Variants in CCDC3 observed in about 807,000 individuals in gnomAD.
The protein encoded by CCDC3 is coiled-coil domain containing 3.
In CCDC3, 24 loss-of-function variants were observed where a neutral mutation model predicts 21.4. The ratio of observed to expected loss-of-function variants is 1.12; its 90% CI spans 0.81 to 1.58. The LOEUF (loss-of-function observed/expected upper bound fraction) is 1.58. Among genes scored for constraint, CCDC3 ranks in the 40% most tolerant of loss-of-function variants. The probability of loss-of-function intolerance (pLI) is 0.00; values close to 1 mark genes in which losing one functional copy is unlikely to be tolerated. For synonymous variants in CCDC3, 186 were observed against 166.0 expected (o/e 1.12, Z -0.93); for missense variants, 425 against 360.9 (o/e 1.18, Z -1.44).
At position 13,000,140 on chromosome 10, in the gene CCDC3, T is replaced by C. The variant is rs546436633; in HGVS notation, c.374+1057A>G. Among the ~76,000 whole-genome samples, 11 of 152,326 alleles carry C rather than the reference T, an allele frequency of 7.2e-5. No individual in the cohort carries two copies. In the South Asian group the frequency reaches 2.1e-3, roughly 29 times the overall value. On this transcript the variant is annotated intron_variant, in intron 1 of 2. Transcript: ENST00000378825. The stretch of plus-strand genomic sequence containing the variant: ...ACCCACGTCAGCCTCATTCCAAATA[T>C]CCTCAGTGCTACTTCCCAGACTGGG...
intron 2 of CCDC3, among the ~76,000 whole-genome samples, chr10:12,931,550 G>T (rs7918971): frequency 0.011 from 1,676 of 152,326 alleles, 12 homozygotes; most frequent in Middle Eastern, 0.058. Flanking sequence ...TGTTGTAGAA[G>T]CATTTGGTTT....
chr10:13,001,375 A>G lies in CCDC3; in HGVS notation c.196T>C (p.Tyr66His), dbSNP rs766577577. 6.3e-7 allele frequency: 1 copy of G among 1,591,672 alleles called. No individual in the cohort carries two copies. Among genetic ancestry groups the G allele is most frequent in the South Asian group, 1.1e-5 (1 of 87,062 alleles). ...PGLYNHLPWQ[Y>H]HAGQGGLFYS... is the part of the protein sequence containing the mutation. The stretch of plus-strand genomic sequence containing the variant: ...AAGAGGCCCCCCTGGCCGGCGTGGT[A>G]CTGCCAGGGCAGGTGGTTGTAGAGG... Residue 66 changes from tyrosine to histidine, a missense_variant, in exon 1 of 3, where the codon TAC becomes CAC. By Grantham distance (83) the Tyr-to-His change is moderately conservative. Coordinates refer to ENST00000378825, the MANE Select transcript of CCDC3 (RefSeq NM_031455.4).
chr10:12,932,856 T>C (rs748048368), intron 2 of CCDC3, among the ~76,000 whole-genome samples: 4 of 152,240 alleles, frequency 2.6e-5, no homozygotes, highest in African/African-American at 7.2e-5. Context: ...AGTTTGCTGA[T>C]AGTTTTCTCA....
chr10:13,052,554 T>C (rs958450796), intron 4 of CCDC3, among the ~76,000 whole-genome samples: 2 of 152,218 alleles, frequency 1.3e-5, no homozygotes, highest in African/African-American at 4.8e-5. Flanking sequence ...AGATCTGCTG[T>C]ACAATGCTGC....
intron 2 of CCDC3, among the ~76,000 whole-genome samples, chr10:12,901,744 C>G (rs1834095763): frequency 6.6e-6 from 1 of 152,248 alleles, no homozygotes; most frequent in African/African-American, 2.4e-5. Flanking sequence ...AGGATAGAGT[C>G]AAATCTCCTA....
chr10:12,903,884 A>G (rs1834129869), intron 2 of CCDC3, among the ~76,000 whole-genome samples: 1 of 152,258 alleles, frequency 6.6e-6, no homozygotes, highest in African/African-American at 2.4e-5. Flanking sequence ...GGGACCAACA[A>G]AAGGAAAATC....
chr10:13,063,767 C>G (rs982444765), intron 4 of CCDC3, among the ~76,000 whole-genome samples: 13 of 152,144 alleles, frequency 8.5e-5, no homozygotes, highest in South Asian at 8.3e-4. Flanking sequence ...GGCTGGGAAG[C>G]CTTCCTTGTT....
At chr10:13,043,772 T>C (rs912008626) in intron 5 of CCDC3, among the ~76,000 whole-genome samples, 3 of 152,216 alleles carry the variant, frequency 2.0e-5, no homozygotes, top group Admixed American at 2.0e-4. Context: ...GTACTTAGGT[T>C]GATTCCATGT....
intron 2 of CCDC3, among the ~76,000 whole-genome samples, chr10:12,986,391 G>A (rs1334514002): frequency 1.3e-5 from 2 of 152,166 alleles, no homozygotes; most frequent in Admixed American, 6.5e-5. Flanking sequence ...GGGACAAGGG[G>A]TGAGGGGTGC....
rs1284158673 is a variant in CCDC3 at position 12,937,548 on chromosome 10, G to A, written c.550-38869C>T. Among the ~76,000 whole-genome samples the A allele has an allele frequency of 4.6e-5, 7 of 152,064 alleles. No individual in the cohort carries two copies. The Middle Eastern group carries it at 0.014, about 296-fold the overall frequency. On this transcript the variant is annotated intron_variant, in intron 2 of 2. Coordinates refer to ENST00000378825, the MANE Select transcript of CCDC3 (RefSeq NM_031455.4). ...CGTGATCATAGCTCACTGCAGCCTC[G>A]ACCTCCTGGGCTCAATTGATCCTCC...
At chr10:12,929,953 A>G (rs1415262066) in intron 2 of CCDC3, among the ~76,000 whole-genome samples, 1 of 152,240 alleles carries the variant, frequency 6.6e-6, no homozygotes, top group Non-Finnish European at 1.5e-5. Flanking sequence ...AGCTAGAACT[A>G]GAAAAAAATT....
intron 5 of CCDC3, among the ~76,000 whole-genome samples, chr10:13,023,307 T>C (rs1385504431): frequency 1.3e-5 from 2 of 152,074 alleles, no homozygotes; most frequent in Non-Finnish European, 2.9e-5. Flanking sequence ...AGGTAGTTTT[T>C]TCTGTTTCAC....
At chr10:13,078,265 A>T (rs892837881) in intron 3 of CCDC3, among the ~76,000 whole-genome samples, 21 of 152,230 alleles carry the variant, frequency 1.4e-4, no homozygotes, top group Non-Finnish European at 2.1e-4. Context: ...AAAAATGCTC[A>T]TCATCACTGG....
At chr10:13,019,367 T>C (rs1836115129) in intron 5 of CCDC3, among the ~76,000 whole-genome samples, 1 of 152,208 alleles carries the variant, frequency 6.6e-6, no homozygotes, top group South Asian at 2.1e-4. Flanking sequence ...ATTTCAGCCC[T>C]TTTTTAGCAT....
intron 2 of CCDC3, among the ~76,000 whole-genome samples, chr10:12,913,173 C>T (rs140545952): frequency 1.2e-4 from 19 of 152,272 alleles, no homozygotes; most frequent in African/African-American, 4.6e-4. Flanking sequence ...CTGTAGATCA[C>T]TCTGGTAGTA....
At chr10:12,957,509 G>A (rs11258087) in intron 2 of CCDC3, among the ~76,000 whole-genome samples, 90,372 of 152,164 alleles carry the variant, frequency 0.59, 28,495 homozygotes, top group Non-Finnish European at 0.7. Flanking sequence ...TCCTGCCGCA[G>A]TCTCACGTGG....
At chr10:13,073,051 G>GAGAT (rs1836905957) in intron 4 of CCDC3, among the ~76,000 whole-genome samples, 1 of 151,836 alleles carries the variant, frequency 6.6e-6, no homozygotes, top group African/African-American at 2.4e-5. Flanking sequence ...ATTTTTAGTA[G>GAGAT]AGACGAGTTT....
intron 3 of CCDC3, among the ~76,000 whole-genome samples, chr10:13,085,058 CT>C (rs1837086631): frequency 6.6e-6 from 1 of 152,194 alleles, no homozygotes; most frequent in African/African-American, 2.4e-5. Context: ...CTGAGGCCCC[CT>C]GAAGATCCTG....
At chr10:13,062,451 G>A (rs1297682540) in intron 4 of CCDC3, among the ~76,000 whole-genome samples, 2 of 152,060 alleles carry the variant, frequency 1.3e-5, no homozygotes, top group African/African-American at 2.4e-5. Flanking sequence ...TTTTAAACCT[G>A]TGCCACACTA....
Sources: allele counts gnomAD v4.1 joint callset (sites outside exome capture counted in the v4.1 genomes callset), GRCh38; gene constraint gnomAD v4.1.1; transcripts MANE v1.5; gene names NCBI Gene and HGNC (gene_info 2026-07-23, HGNC 2026-07-21).